The following KAT2B variants were observed in gnomAD, a reference collection of about 807,000 sequenced individuals.
KAT2B encodes the protein histone acetyltransferase KAT2B.
Under a neutral mutation model 105.9 loss-of-function variants are expected in KAT2B, and 36 were observed. The observed-to-expected ratio is 0.34, with a 90% confidence interval of 0.26 to 0.45. The LOEUF is 0.45. KAT2B is among the 20% of genes least tolerant of loss of function. The pLI, the probability that KAT2B is intolerant of heterozygous loss-of-function variation, is 1.00. For synonymous variants in KAT2B, 397 were observed against 377.9 expected (o/e 1.05, Z -0.59); for missense variants, 820 against 1,021.6 (o/e 0.80, Z 2.69).
At chr3:20,127,381 A>G in intron 10 of KAT2B, 42 bp from the exon 11 acceptor site, 1 of 1,566,564 alleles carries the variant, frequency 6.4e-7, no homozygotes, top group Admixed American at 1.7e-5. Context: ...ATATTTATAT[A>G]ACTAGGATAG....
chr3:20,139,897 G>A (rs1341213322), intron 12 of KAT2B, among the ~76,000 whole-genome samples: 2 of 152,132 alleles, frequency 1.3e-5, no homozygotes, highest in African/African-American at 2.4e-5. Context: ...GGAGAAATTT[G>A]CAACGGTCAT....
chr3:20,152,194 G>T, intron 17 of KAT2B, 138 bp from the exon 18 acceptor site: 1 of 566,586 alleles, frequency 1.8e-6, no homozygotes. Flanking sequence ...TTGGTCATAA[G>T]AATTTCTCTT....
intron 4 of KAT2B, among the ~76,000 whole-genome samples, chr3:20,100,758 C>T (rs1698896332): frequency 6.6e-6 from 1 of 151,582 alleles, no homozygotes; most frequent in Non-Finnish European, 1.5e-5. Flanking sequence ...TTTTAAAAGC[C>T]CATAATTTTG....
chr3:20,146,657 A>G (rs1172920808), intron 14 of KAT2B: 3 of 307,608 alleles, frequency 9.8e-6, no homozygotes, highest in South Asian at 8.9e-5. Context: ...ATAGCTGTTA[A>G]TATCCACCAC....
intron 2 of KAT2B, among the ~76,000 whole-genome samples, chr3:20,083,412 G>T (rs1392364039): frequency 6.6e-6 from 1 of 152,092 alleles, no homozygotes; most frequent in African/African-American, 2.4e-5. Context: ...ACTCTTTTTG[G>T]TTTAATATGA....
At chr3:20,045,293 C>T (rs1330123706) in intron 1 of KAT2B, among the ~76,000 whole-genome samples, 1 of 151,754 alleles carries the variant, frequency 6.6e-6, no homozygotes, top group East Asian at 1.9e-4. Flanking sequence ...GCTGGGATTA[C>T]AGGTGTGAGC....
chr3:20,127,650 G>T, intron 11 of KAT2B, 101 bp downstream of exon 11: 1 of 1,152,414 alleles, frequency 8.7e-7, no homozygotes, highest in Non-Finnish European at 1.2e-6. Flanking sequence ...GTCCAGAGAA[G>T]GTTCAAAGTG....
At chr3:20,054,303 A>G (rs531821246) in intron 1 of KAT2B, among the ~76,000 whole-genome samples, 3 of 151,462 alleles carry the variant, frequency 2.0e-5, no homozygotes, top group African/African-American at 7.3e-5. Flanking sequence ...TAATTTTTGT[A>G]TCTTTAGTAG....
At chr3:20,091,232 G>C (rs1698713356) in intron 2 of KAT2B, among the ~76,000 whole-genome samples, 1 of 152,000 alleles carries the variant, frequency 6.6e-6, no homozygotes. Context: ...TTTAGTTTTG[G>C]TAGGTTGTAC....
chr3:20,049,645 A>T (rs865873698), intron 1 of KAT2B, among the ~76,000 whole-genome samples: 2 of 150,588 alleles, frequency 1.3e-5, no homozygotes, highest in African/African-American at 4.9e-5. Flanking sequence ...AATTTATTGT[A>T]CTCCAATTGA....
At chr3:20,063,469 G>A (rs537665593) in intron 1 of KAT2B, among the ~76,000 whole-genome samples, 52 of 143,660 alleles carry the variant, frequency 3.6e-4, no homozygotes, top group Non-Finnish European at 6.4e-4. Context: ...ATGGGGTCTC[G>A]CCCTGTTGCT....
chr3:20,092,609 T>C (rs1048245135), intron 2 of KAT2B, among the ~76,000 whole-genome samples: 1 of 151,962 alleles, frequency 6.6e-6, no homozygotes, highest in African/African-American at 2.4e-5. Context: ...GCTGTAACAT[T>C]AGGTACATGT....
At position 20,141,032 on chromosome 3, in the gene KAT2B, C is replaced by T. The variant is rs574090761; in HGVS notation, c.2004+668C>T. On this transcript the variant is annotated intron_variant, in intron 13 of 17. Coordinates refer to ENST00000263754, the MANE Select transcript of KAT2B (RefSeq NM_003884.5). ...TCCAAGTGCATCTATTTACTATTCT[C>T]CAAAGTGTCTTTGTCCATTAGCCAC... 2.0e-5 allele frequency among the ~76,000 whole-genome samples: 3 copies of T among 152,292 alleles called. No homozygotes were observed. The East Asian group carries it at 5.8e-4, about 29-fold the overall frequency.
chr3:20,079,440 GT>G (rs2125186140), intron 2 of KAT2B, among the ~76,000 whole-genome samples: 1 of 152,164 alleles, frequency 6.6e-6, no homozygotes, highest in Admixed American at 6.5e-5. Flanking sequence ...CTGACCTCAG[GT>G]AATCTGCCCG....
chr3:20,047,423 C>G (rs1490521805), intron 1 of KAT2B, among the ~76,000 whole-genome samples: 1 of 151,958 alleles, frequency 6.6e-6, no homozygotes, highest in Non-Finnish European at 1.5e-5. Context: ...TCTGAAAAAT[C>G]TCACTTCGTG....
At chr3:20,057,980 G>A (rs1244740291) in intron 1 of KAT2B, among the ~76,000 whole-genome samples, 1 of 152,180 alleles carries the variant, frequency 6.6e-6, no homozygotes, top group African/African-American at 2.4e-5. Flanking sequence ...ATTTGATTTT[G>A]GAGTAACCAT....
intron 5 of KAT2B, among the ~76,000 whole-genome samples, chr3:20,111,029 G>A (rs1028382025): frequency 5.3e-5 from 8 of 152,190 alleles, no homozygotes; most frequent in Non-Finnish European, 7.3e-5. Flanking sequence ...TAAGTGCTGT[G>A]TAGGCATTTT....
intron 1 of KAT2B, among the ~76,000 whole-genome samples, chr3:20,043,429 T>A (rs1234280945): frequency 6.6e-6 from 1 of 152,110 alleles, no homozygotes; most frequent in East Asian, 1.9e-4. Flanking sequence ...AAAACTACTT[T>A]CTTGGAGTAG....
intron 5 of KAT2B, among the ~76,000 whole-genome samples, chr3:20,105,714 T>C (rs943776301): frequency 2.0e-5 from 3 of 151,498 alleles, no homozygotes; most frequent in Admixed American, 6.6e-5. Context: ...GGAGGATTGC[T>C]TGAGCCCGGG....
Sources: allele counts gnomAD v4.1 joint callset (sites outside exome capture counted in the v4.1 genomes callset), GRCh38; gene constraint gnomAD v4.1.1; transcripts MANE v1.5; gene names NCBI Gene and HGNC (gene_info 2026-07-23, HGNC 2026-07-21).